The following LRRK1 variants were observed in gnomAD, a reference collection of about 807,000 sequenced individuals.
LRRK1 encodes the protein leucine-rich repeat serine/threonine-protein kinase 1.
In LRRK1, 113 loss-of-function variants were observed where a neutral mutation model predicts 209.1. That is an observed-to-expected ratio of 0.54 (90% confidence interval 0.46 to 0.63). LRRK1 has a LOEUF of 0.63. Among genes scored for constraint, LRRK1 ranks in the 30% least tolerant of loss-of-function variants. The probability of loss-of-function intolerance (pLI) is 0.00; values close to 1 mark genes in which losing one functional copy is unlikely to be tolerated. For missense variants in LRRK1, 2,284 were observed against 2,632.2 expected (o/e 0.87, Z 2.89); for synonymous variants, 1,144 against 1,099.7 (o/e 1.04, Z -0.80).
Position 100,989,527 on chromosome 15 carries a change from A to G in LRRK1, c.762+129A>G, listed in dbSNP as rs949211975. The G allele has an allele frequency of 3.9e-4, 364 of 944,050 alleles. 2 individuals carry two copies. The highest frequency in any genetic ancestry group is 3.5e-5 in the Non-Finnish European group (22 of 621,752). 58.5% of individuals were successfully genotyped at this position (944,050 alleles called of 1,614,324 possible). A position where few individuals can be genotyped will look rare whatever the true frequency, so the allele number is the denominator to read the frequency against. Reference sequence around the variant, plus strand: ...TACAGGTCTGGAGATTGAGAAGTCCAAGAGCATAGTGCTGGTATCTGGTGA... The same window carrying G: ...TACAGGTCTGGAGATTGAGAAGTCCGAGAGCATAGTGCTGGTATCTGGTGA... On this transcript the variant is annotated intron_variant, in intron 6 of 33. Coordinates refer to ENST00000388948, the MANE Select transcript of LRRK1 (RefSeq NM_024652.6).
chr15:101,056,706 G>C, intron 27 of LRRK1, 150 bp from the exon 28 acceptor site: 1 of 562,670 alleles, frequency 1.8e-6, no homozygotes, highest in African/African-American at 1.9e-5. Flanking sequence ...TAGGTGGATG[G>C]ATAAATGGAT....
Position 101,074,602 on chromosome 15 carries a change from C to T in LRRK1, c.*5754C>T, listed in dbSNP as rs1263505376. On this transcript the variant is annotated 3_prime_UTR_variant, in exon 34 of 34. Coordinates refer to ENST00000388948, the MANE Select transcript of LRRK1 (RefSeq NM_024652.6). ...AATCTGCTCCCTACATTAAATAAAACTCCAAAAATTAAATTCCGGCCCTCA... is the reference window on the plus strand; with the variant it reads ...AATCTGCTCCCTACATTAAATAAAATTCCAAAAATTAAATTCCGGCCCTCA... 6.6e-6 allele frequency: 1 copy of T among 152,136 alleles called. No individual in the cohort carries two copies. The highest frequency in any genetic ancestry group is 1.5e-5 in the Non-Finnish European group (1 of 68,040). 9.4% of individuals were successfully genotyped at this position (152,136 alleles called of 1,614,324 possible).
chr15:101,023,751 G>T (rs1296842061), intron 15 of LRRK1, among the ~76,000 whole-genome samples: 1 of 152,194 alleles, frequency 6.6e-6, no homozygotes, highest in Non-Finnish European at 1.5e-5. Flanking sequence ...TTGAAGCTGT[G>T]CATCTGTTCT....
chr15:101,024,971 A>AG lies in LRRK1; in HGVS notation c.2232+6dup. Reference sequence around the variant, plus strand: ...GTTCTGGCTGCTCAACATCGAGGTGAGGACACCAGACGCCAGCCCTGCCAT... The same window carrying AG: ...GTTCTGGCTGCTCAACATCGAGGTGAGGGACACCAGACGCCAGCCCTGCCAT... On this transcript the variant is annotated splice_donor_region_variant and intron_variant, in intron 16 of 33. Transcript: ENST00000388948. The surrounding 1 kb of genome is among the most constrained non-coding windows in gnomAD (Gnocchi z 4.6). The AG allele has an allele frequency of 6.2e-7, 1 of 1,611,960 alleles. No homozygotes were observed. Among genetic ancestry groups the AG allele is most frequent in the Non-Finnish European group, 8.5e-7 (1 of 1,179,116 alleles).
chr15:101,049,777 T>C lies in LRRK1; in HGVS notation c.3433T>C (p.Phe1145Leu). The C allele has an allele frequency of 1.9e-6, 3 of 1,612,880 alleles. No homozygotes were observed. The highest frequency in any genetic ancestry group is 2.5e-6 in the Non-Finnish European group (3 of 1,179,384). ...DHVNSLIDQW[F>L]PALTATESDG... ...CGTCAATTCCTTGATTGATCAGTGG[T>C]TTCCCGGTAAGAGGAGATGCTAGAA... is the stretch of plus-strand genomic sequence containing the variant. The change falls in exon 23 of 34, where the codon TTT becomes CTT. Residue 1145 changes from phenylalanine (F) to leucine (L), a missense_variant. By Grantham distance (22) the Phe-to-Leu change is conservative. Transcript: ENST00000388948.
chr15:101,006,541 A>G (rs1478730547), intron 6 of LRRK1, among the ~76,000 whole-genome samples: 2 of 152,244 alleles, frequency 1.3e-5, no homozygotes, highest in Non-Finnish European at 1.5e-5. Flanking sequence ...CATTTCTGGG[A>G]TAATTGAGAA....
chr15:100,967,218 C>G (rs2141643902), intron 2 of LRRK1, among the ~76,000 whole-genome samples: 1 of 152,304 alleles, frequency 6.6e-6, no homozygotes, highest in Middle Eastern at 3.4e-3. Flanking sequence ...TTAATGGTGA[C>G]TGTTAATGTG....
At chr15:100,952,119 A>C (rs1358597336) in intron 2 of LRRK1, among the ~76,000 whole-genome samples, 1 of 152,206 alleles carries the variant, frequency 6.6e-6, no homozygotes, top group East Asian at 1.9e-4. Flanking sequence ...TGTTCAGAAG[A>C]GGCAAACTGT....
At chr15:100,944,433 A>G (rs930710852) in intron 2 of LRRK1, among the ~76,000 whole-genome samples, 1 of 152,210 alleles carries the variant, frequency 6.6e-6, no homozygotes, top group African/African-American at 2.4e-5. Flanking sequence ...GGGGTGGGGT[A>G]GGCAAGCTTT....
Position 100,973,838 on chromosome 15 carries a change from G to A in LRRK1, c.132G>A (p.Arg44=), listed in dbSNP as rs1041653568. The stretch of plus-strand genomic sequence containing the variant: ...ACACGGGCGGCAAGCCGTCCACGCG[G>A]GGCGGTGACCCTGCAGCGCGGTCCC... ...AGDTGGKPST[R]GGDPAARSRR... is the part of the protein sequence containing the mutation. The change falls in exon 3 of 34, where the codon CGG becomes CGA. Residue 44 remains arginine, a synonymous_variant. Transcript: ENST00000388948. 3.9e-6 allele frequency: 5 copies of A among 1,294,580 alleles called. No homozygotes were observed. In the African/African-American group the frequency reaches 7.7e-5, roughly 20 times the overall value. 80.2% of individuals were successfully genotyped at this position (1,294,580 alleles called of 1,614,324 possible).
Position 101,055,088 on chromosome 15 carries a change from C to G in LRRK1, c.4197C>G (p.Val1399=). 2 of 1,614,182 alleles carry G rather than the reference C, an allele frequency of 1.2e-6. No homozygotes were observed. The highest frequency in any genetic ancestry group is 3.3e-5 in the Admixed American group (2 of 60,028). ...SDNILVWSLD[V]KEHINIKLSD... ...ACATTCTGGTGTGGTCCCTTGACGT[C>G]AAGGAGCACATCAACATCAAGCTAT... Residue 1399 remains valine (V), a synonymous_variant, in exon 27 of 34, where the codon GTC becomes GTG. Transcript: ENST00000388948.
chr15:101,062,520 A>G, intron 30 of LRRK1, 54 bp from the exon 31 acceptor site: 5 of 1,271,134 alleles, frequency 3.9e-6, no homozygotes, highest in Non-Finnish European at 5.8e-6. Flanking sequence ...TGGCTTGGGA[A>G]ATGCCAGACA....
chr15:100,975,369 T>C (rs978884084), intron 3 of LRRK1, among the ~76,000 whole-genome samples: 1 of 152,174 alleles, frequency 6.6e-6, no homozygotes, highest in Middle Eastern at 3.2e-3. Context: ...CCAAGGGGGA[T>C]GTGACTTCAT....
Position 100,970,329 on chromosome 15 carries a change from A to G in LRRK1, c.98-3475A>G, listed in dbSNP as rs866835259. 3.9e-5 allele frequency among the ~76,000 whole-genome samples: 6 copies of G among 152,324 alleles called. No individual in the cohort carries two copies. The South Asian group carries it at 1.2e-3, about 32-fold the overall frequency. ...AAGATGATATTTGTATATGGTGAGA[A>G]GTAGGGGTCAGGGCTGCTTTTTATT... On this transcript the variant is annotated intron_variant, in intron 2 of 33. Coordinates refer to ENST00000388948, the MANE Select transcript of LRRK1 (RefSeq NM_024652.6).
At position 101,049,635 on chromosome 15, in the gene LRRK1, G is replaced by A; in HGVS notation, c.3300-9G>A. ...TCGCAATGGGCTCCTTTTGGTCTCT[G>A]GATTGCAGTGTGGAATCTTCCGACG... On this transcript the variant is annotated splice_polypyrimidine_tract_variant and intron_variant, in intron 22 of 33. Coordinates refer to ENST00000388948, the MANE Select transcript of LRRK1 (RefSeq NM_024652.6). The A allele has an allele frequency of 6.2e-7, 1 of 1,613,196 alleles. No homozygotes were observed. Among genetic ancestry groups the A allele is most frequent in the Non-Finnish European group, 8.5e-7 (1 of 1,179,510 alleles).
chr15:101,041,400 C>T, intron 20 of LRRK1, among the ~76,000 whole-genome samples: 1 of 152,246 alleles, frequency 6.6e-6, no homozygotes, highest in South Asian at 2.1e-4. Context: ...TACTATTTCT[C>T]TATTTATTTT....
Position 101,053,243 on chromosome 15 carries a change from C to T in LRRK1, c.3877C>T (p.Arg1293Trp), listed in dbSNP as rs367837232. 3 of 1,606,088 alleles carry T rather than the reference C, an allele frequency of 1.9e-6. No homozygotes were observed. The highest frequency in any genetic ancestry group is 2.5e-6 in the Non-Finnish European group (3 of 1,179,934). Reference sequence around the variant, plus strand: ...GGCAGACACCATGCTGAGGCACCTGCGGGCCACCGATGCCATGAAGAACTT... The same window carrying T: ...GGCAGACACCATGCTGAGGCACCTGTGGGCCACCGATGCCATGAAGAACTT... ...VPADTMLRHL[R>W]ATDAMKNFSE... The change falls in exon 26 of 34, where the codon CGG becomes TGG. Residue 1293 changes from arginine (R) to tryptophan (W), a missense_variant. Transcript: ENST00000388948.
chr15:100,941,778 G>C (rs1368737277), intron 2 of LRRK1, among the ~76,000 whole-genome samples: 1 of 152,152 alleles, frequency 6.6e-6, no homozygotes, highest in Non-Finnish European at 1.5e-5. Flanking sequence ...GTGCCTCCTG[G>C]GAGTTGCCCA....
chr15:101,067,454 TGTGTGTGTG>T (rs2036599042), intron 33 of LRRK1: 2 of 249,372 alleles, frequency 8.0e-6, no homozygotes, highest in African/African-American at 2.4e-5. Flanking sequence ...TGTGTGTGTG[TGTGTGTGTG>T]TACTTTGGAG....
Sources: gnomAD v4.1 joint callset for allele counts (sites outside exome capture counted in the v4.1 genomes callset) on GRCh38, gnomAD v4.1.1 for gene constraint, Gnocchi (gnomAD v3.1) non-coding constraint, MANE v1.5 for transcripts, NCBI Gene and HGNC (gene_info 2026-07-23, HGNC 2026-07-21) for gene names.